Variants in SORCS3 observed in about 807,000 individuals in gnomAD.
SORCS3 encodes the protein sortilin related VPS10 domain containing receptor 3.
SORCS3 carries 57 observed loss-of-function variants against 146.3 expected under a neutral mutation model. That is an observed-to-expected ratio of 0.39 (90% confidence interval 0.31 to 0.49). SORCS3 has a LOEUF of 0.49. Ranked by LOEUF, SORCS3 falls within the 20% of genes least tolerant of loss-of-function variation. SORCS3 has a pLI of 0.92. For missense variants in SORCS3, 1,341 were observed against 1,575.5 expected (o/e 0.85, Z 2.52); for synonymous variants, 653 against 618.5 (o/e 1.06, Z -0.83).
At chr10:104,817,416 T>C (rs1589510253) in intron 1 of SORCS3, among the ~76,000 whole-genome samples, 5 of 63,892 alleles carry the variant, frequency 7.8e-5, no homozygotes, top group Admixed American at 1.9e-4. Flanking sequence ...TCCTCCCCCT[T>C]CCCCCTCCTC....
chr10:104,847,660 T>C (rs757115298), intron 2 of SORCS3, among the ~76,000 whole-genome samples: 7 of 152,180 alleles, frequency 4.6e-5, no homozygotes, highest in Non-Finnish European at 8.8e-5. Context: ...TAAATGAATT[T>C]GCAGTTGTCT....
At chr10:105,184,672 A>G (rs1024801814) in intron 14 of SORCS3, among the ~76,000 whole-genome samples, 2 of 152,212 alleles carry the variant, frequency 1.3e-5, no homozygotes, top group South Asian at 4.1e-4. Context: ...ATTGATATAT[A>G]CAAAATTGCA....
At chr10:105,064,180 C>A (rs57854172) in intron 5 of SORCS3, among the ~76,000 whole-genome samples, 8,960 of 152,232 alleles carry the variant, frequency 0.059, 285 homozygotes, top group Middle Eastern at 0.088. Context: ...AGGAAGAAAT[C>A]AAATAATCAG....
At chr10:104,741,800 T>G (rs2016848701) in intron 1 of SORCS3, among the ~76,000 whole-genome samples, 1 of 150,560 alleles carries the variant, frequency 6.6e-6, no homozygotes, top group South Asian at 2.1e-4. Context: ...GATGGTTCTT[T>G]TTTTATATCT....
chr10:105,055,375 AAG>A (rs1158304246), intron 5 of SORCS3, among the ~76,000 whole-genome samples: 3 of 152,170 alleles, frequency 2.0e-5, no homozygotes, highest in African/African-American at 7.2e-5. Flanking sequence ...TGATGTGAGT[AAG>A]GATAAACACC....
At chr10:104,892,937 G>C (rs571452919) in intron 2 of SORCS3, among the ~76,000 whole-genome samples, 44 of 152,006 alleles carry the variant, frequency 2.9e-4, no homozygotes, top group African/African-American at 9.9e-4. Context: ...TCTTCCCTAG[G>C]ATCCTCATAC....
At chr10:104,970,748 G>A (rs1436401483) in intron 3 of SORCS3, among the ~76,000 whole-genome samples, 1 of 152,162 alleles carries the variant, frequency 6.6e-6, no homozygotes, top group Non-Finnish European at 1.5e-5. Context: ...GCTTGTCTTA[G>A]AAGCTGTAAA....
intron 1 of SORCS3, among the ~76,000 whole-genome samples, chr10:104,648,775 A>G (rs765224503): frequency 2.6e-5 from 4 of 152,228 alleles, no homozygotes; most frequent in African/African-American, 4.8e-5. Context: ...TTTATAGTAC[A>G]CTAATAAATG....
At chr10:104,652,104 G>A (rs2015570489) in intron 1 of SORCS3, among the ~76,000 whole-genome samples, 1 of 151,448 alleles carries the variant, frequency 6.6e-6, no homozygotes, top group Admixed American at 6.6e-5. Flanking sequence ...TTTTAAATGG[G>A]TGCATTATTA....
Position 105,245,543 on chromosome 10 carries a change from C to T in SORCS3, c.2870C>T (p.Pro957Leu). Residue 957 changes from proline (P) to leucine (L), a missense_variant and splice_region_variant, in exon 21 of 27, where the codon CCT (proline) becomes CTT (leucine). By Grantham distance (98) the Pro-to-Leu change is moderately conservative. Transcript: ENST00000369701. ...GAGTATTGTTACTTCTTCTTGTAGC[C>T]TCTCATCACTTTGGACAGCAGCATT... ...YFWWFGNSTK[P>L]LITLDSSISF... is the part of the protein sequence containing the mutation. 6.2e-7 allele frequency: 1 copy of T among 1,613,982 alleles called. No homozygotes were observed. The highest frequency in any genetic ancestry group is 8.5e-7 in the Non-Finnish European group (1 of 1,179,940).
intron 2 of SORCS3, among the ~76,000 whole-genome samples, chr10:104,847,897 T>C (rs1022375334): frequency 2.0e-5 from 3 of 152,004 alleles, no homozygotes; most frequent in Admixed American, 2.0e-4. Context: ...TTGATTATGA[T>C]ATATATGGAG....
At chr10:104,945,434 T>A (rs906637089) in intron 3 of SORCS3, among the ~76,000 whole-genome samples, 2 of 152,062 alleles carry the variant, frequency 1.3e-5, no homozygotes, top group African/African-American at 4.8e-5. Flanking sequence ...ATTTTTTGTA[T>A]TTTTAGTAGA....
intron 1 of SORCS3, among the ~76,000 whole-genome samples, chr10:104,791,209 C>T (rs1007009538): frequency 6.6e-6 from 1 of 152,190 alleles, no homozygotes; most frequent in East Asian, 1.9e-4. Flanking sequence ...GAGGAGGGGG[C>T]CTGTGGTGGA....
intron 4 of SORCS3, among the ~76,000 whole-genome samples, chr10:105,024,262 GA>G (rs2055213937): frequency 6.6e-6 from 1 of 152,068 alleles, no homozygotes; most frequent in Non-Finnish European, 1.5e-5. Context: ...GTGCTTTTGT[GA>G]GTGTCCTTAC....
In SORCS3 at chr10:105,044,446, T is replaced by A. The variant is rs17118185; in HGVS notation, c.1028+1318T>A. ...TGTTAGAAGTTGTACTCATTCCGTA[T>A]CTCTTATAAATATCTTATGAACACT... On this transcript the variant is annotated intron_variant, in intron 5 of 26. Coordinates refer to ENST00000369701, the MANE Select transcript of SORCS3 (RefSeq NM_014978.3). Among the ~76,000 whole-genome samples, 1,486 of 152,198 alleles carry A rather than the reference T, an allele frequency of 9.8e-3. 87 individuals carry two copies. The East Asian group carries it at 0.18, about 18-fold the overall frequency.
chr10:104,799,307 A>G (rs1049057078), intron 1 of SORCS3, among the ~76,000 whole-genome samples: 7 of 152,226 alleles, frequency 4.6e-5, no homozygotes, highest in African/African-American at 4.8e-5. Flanking sequence ...ATGTCCATCA[A>G]TGATAGACTG....
chr10:104,888,329 A>G (rs2018712796), intron 2 of SORCS3, among the ~76,000 whole-genome samples: 1 of 152,352 alleles, frequency 6.6e-6, no homozygotes, highest in South Asian at 2.1e-4. Context: ...TAGTTGGACC[A>G]GGAGACTCAA....
In SORCS3 at chr10:105,121,421, G is replaced by A. The variant is rs1425118440; in HGVS notation, c.1212+15906G>A. Among the ~76,000 whole-genome samples, 4 of 152,256 alleles carry A rather than the reference G, an allele frequency of 2.6e-5. No individual in the cohort carries two copies. In the East Asian group the frequency reaches 5.8e-4, roughly 22 times the overall value. ...AATCACCCATGGTTGTATAGCTCAG[G>A]AAATGGCAAGGTCAAGGATATGACC... On this transcript the variant is annotated intron_variant, in intron 7 of 26. Coordinates refer to ENST00000369701, the MANE Select transcript of SORCS3 (RefSeq NM_014978.3).
In SORCS3 at chr10:104,779,034, T is replaced by C. The variant is rs934100422; in HGVS notation, c.628-63758T>C. Among the ~76,000 whole-genome samples the C allele has an allele frequency of 2.2e-4, 33 of 152,078 alleles. 1 individual carries two copies. The highest frequency in any genetic ancestry group is 1.9e-3 in the Admixed American group (29 of 15,276). ...GTTCTTCATAAGGGGAGGCAAGTGA[T>C]GAGAGGAGACAGAAGATTTAACAAT... On this transcript the variant is annotated intron_variant, in intron 1 of 26. Coordinates refer to ENST00000369701, the MANE Select transcript of SORCS3 (RefSeq NM_014978.3).
Sources: allele counts gnomAD v4.1 joint callset (sites outside exome capture counted in the v4.1 genomes callset), GRCh38; gene constraint gnomAD v4.1.1; transcripts MANE v1.5; gene names NCBI Gene and HGNC (gene_info 2026-07-23, HGNC 2026-07-21).